Variants in YAF2 observed in about 807,000 individuals in gnomAD.
YAF2 encodes YY1-associated factor 2.
A neutral mutation model predicts 20.1 loss-of-function variants in YAF2; 7 were observed. The observed-to-expected ratio is 0.35, with a 90% CI of 0.20 to 0.65. YAF2 has a LOEUF of 0.65. YAF2 is among the 30% of genes least tolerant of loss of function. The pLI is 0.69. For synonymous variants in YAF2, 74 were observed against 76.0 expected (o/e 0.97, Z 0.14); for missense variants, 151 against 219.2 (o/e 0.69, Z 1.96).
intron 2 of YAF2, among the ~76,000 whole-genome samples, chr12:42,218,022 C>CT (rs2067407976): frequency 6.6e-6 from 1 of 152,140 alleles, no homozygotes; most frequent in African/African-American, 2.4e-5. Context: ...CAGATGTACT[C>CT]TTTAACTATG....
rs118189377 is a variant in YAF2, at chr12:42,212,509, G to C, written c.152+25090C>G. On this transcript the variant is annotated intron_variant, in intron 2 of 3. Transcript: ENST00000534854. ...TCTATGGAAACAAAGAAAGTGTATA[G>C]TTTTTCCTTTAAGAATAGTCTAGTA... The C allele has an allele frequency of 4.7e-3, 2,002 of 428,444 alleles. 11 individuals carry two copies. Among genetic ancestry groups the C allele is most frequent in the Non-Finnish European group, 7.4e-3 (1,607 of 217,844 alleles). 26.5% of individuals were successfully genotyped at this position (428,444 alleles called of 1,614,324 possible). A position where few individuals can be genotyped will look rare whatever the true frequency, so the allele number is the denominator to read the frequency against.
At chr12:42,209,154 CAAGG>C (rs1378329706) in intron 2 of YAF2, among the ~76,000 whole-genome samples, 4 of 151,228 alleles carry the variant, frequency 2.6e-5, no homozygotes, top group Non-Finnish European at 5.9e-5. Context: ...TCATTACAAA[CAAGG>C]AAGCGGTAAA....
chr12:42,167,743 C>T (rs1007534226), intron 2 of YAF2, among the ~76,000 whole-genome samples: 1 of 152,152 alleles, frequency 6.6e-6, no homozygotes, highest in Non-Finnish European at 1.5e-5. Context: ...CGGTGGCTCA[C>T]ATCTATAATC....
At chr12:42,163,728 A>G (rs1042237104) in intron 2 of YAF2, among the ~76,000 whole-genome samples, 10 of 152,206 alleles carry the variant, frequency 6.6e-5, no homozygotes, top group African/African-American at 2.4e-4. Flanking sequence ...ACATAAATGT[A>G]TATAGTTCAA....
At chr12:42,167,013 T>C (rs953327926) in intron 2 of YAF2, among the ~76,000 whole-genome samples, 4 of 151,810 alleles carry the variant, frequency 2.6e-5, no homozygotes, top group African/African-American at 9.7e-5. Context: ...AATAACTAAG[T>C]AGTAAAGATA....
chr12:42,215,680 T>G (rs1232552912), intron 2 of YAF2, among the ~76,000 whole-genome samples: 4 of 152,158 alleles, frequency 2.6e-5, no homozygotes, highest in Non-Finnish European at 4.4e-5. Flanking sequence ...CCCAGCACTT[T>G]GGGAGGCTGA....
rs969474489 is a variant in YAF2, at chr12:42,157,548, G to A, written c.*3041C>T. The A allele has an allele frequency of 3.3e-5, 5 of 152,056 alleles. No individual in the cohort carries two copies. 9.4% of individuals were successfully genotyped at this position (152,056 alleles called of 1,614,324 possible). ...CTAGACCATTTACCATTAATGCAGA[G>A]GCTACATTCTTTCAGTCTATAAGGA... On this transcript the variant is annotated 3_prime_UTR_variant, in exon 4 of 4. Coordinates refer to ENST00000534854, the MANE Select transcript of YAF2 (RefSeq NM_005748.6).
intron 2 of YAF2, among the ~76,000 whole-genome samples, chr12:42,183,693 A>G (rs1719119185): frequency 6.6e-6 from 1 of 152,246 alleles, no homozygotes; most frequent in South Asian, 2.1e-4. Flanking sequence ...TGAAGCAGCA[A>G]GTGCTTATAT....
chr12:42,215,918 C>T (rs2067341601), intron 2 of YAF2, among the ~76,000 whole-genome samples: 1 of 149,748 alleles, frequency 6.7e-6, no homozygotes, highest in South Asian at 2.1e-4. Flanking sequence ...GAGCGAGATT[C>T]CAGCTCAAAA....
intron 2 of YAF2, among the ~76,000 whole-genome samples, chr12:42,177,384 C>T (rs1454044117): frequency 1.3e-5 from 2 of 152,168 alleles, no homozygotes; most frequent in African/African-American, 4.8e-5. Context: ...CGCTTCTACT[C>T]AGGGCTCTCT....
chr12:42,227,754 G>T (rs1471181531), intron 2 of YAF2, among the ~76,000 whole-genome samples: 104 of 149,796 alleles, frequency 6.9e-4, no homozygotes, highest in African/African-American at 2.2e-3. Flanking sequence ...AGGTGGGGGG[G>T]TCAGCCCCCC....
At chr12:42,221,153 G>A (rs556846153) in intron 2 of YAF2, among the ~76,000 whole-genome samples, 1 of 152,196 alleles carries the variant, frequency 6.6e-6, no homozygotes, top group South Asian at 2.1e-4. Context: ...TAAGTAGTAG[G>A]TCTAATGTTA....
At position 42,228,613 on chromosome 12, in the gene YAF2, T is replaced by G. The variant is rs71453342; in HGVS notation, c.152+8986A>C. 2.8e-3 allele frequency among the ~76,000 whole-genome samples: 107 copies of G among 37,976 alleles called. 1 individual carries two copies. The highest frequency in any genetic ancestry group is 6.9e-3 in the Admixed American group (23 of 3,338). 24.9% of individuals were successfully genotyped at this position (37,976 alleles called of 152,430 possible). On this transcript the variant is annotated intron_variant, in intron 2 of 3. Coordinates refer to ENST00000534854, the MANE Select transcript of YAF2 (RefSeq NM_005748.6). ...GCCCCGTCAGGGAGGGAGGTGGGGG[T>G]GTCAGCCCCCCGCCCGGCCAGCCGC... is the stretch of plus-strand genomic sequence containing the variant.
At chr12:42,208,336 G>A (rs762936764) in intron 2 of YAF2, among the ~76,000 whole-genome samples, 1 of 151,986 alleles carries the variant, frequency 6.6e-6, no homozygotes, top group South Asian at 2.1e-4. Context: ...TGAGGCAAGG[G>A]AATTGCTTGA....
chr12:42,199,934 T>G (rs2066854488), intron 2 of YAF2, among the ~76,000 whole-genome samples: 1 of 152,184 alleles, frequency 6.6e-6, no homozygotes, highest in African/African-American at 2.4e-5. Flanking sequence ...TCAGTCAAAT[T>G]ACCTTAGTGC....
intron 2 of YAF2, among the ~76,000 whole-genome samples, chr12:42,169,003 A>G (rs1032521489): frequency 1.3e-5 from 2 of 152,084 alleles, no homozygotes; most frequent in East Asian, 3.9e-4. Flanking sequence ...TCCCATCTAG[A>G]AGGAAAAAAC....
intron 2 of YAF2, among the ~76,000 whole-genome samples, chr12:42,165,517 G>A (rs559366162): frequency 2.2e-4 from 34 of 152,256 alleles, no homozygotes; most frequent in Middle Eastern, 3.4e-3. Context: ...AGGCTGGAGT[G>A]CAGTGGCGTG....
In YAF2 at chr12:42,201,731, C is replaced by T. The variant is rs2066903474; in HGVS notation, c.152+35868G>A. 2.0e-5 allele frequency among the ~76,000 whole-genome samples: 3 copies of T among 152,112 alleles called. No individual in the cohort carries two copies. In the South Asian group the frequency reaches 6.2e-4, roughly 32 times the overall value. On this transcript the variant is annotated intron_variant, in intron 2 of 3. Transcript: ENST00000534854. ...GGACTACAAGCATGTGCCACCACGC[C>T]TGGCTAATTTTTGTATTTTTTGTAG...
Position 42,237,608 on chromosome 12 carries a change from G to A in YAF2, c.143C>T (p.Thr48Ile). Reference sequence around the variant, plus strand: ...CAGGCCCGGGACTCACCGGGTGGAGGTGCCCTTCCGCACATCGCACATCAT... The same window carrying A: ...CAGGCCCGGGACTCACCGGGTGGAGATGCCCTTCCGCACATCGCACATCAT... ...KCMMCDVRKG[T>I]STRKPRPVSQ... Residue 48 changes from threonine to isoleucine, a missense_variant, in exon 2 of 4, where the codon ACC becomes ATC. Thr to Ile is a moderately conservative substitution (Grantham distance 89). This residue lies in a region of YAF2 where 50 missense variants were observed against 112.0 expected (regional missense o/e 0.45). Transcript: ENST00000534854. 6.5e-7 allele frequency: 1 copy of A among 1,537,974 alleles called. No individual in the cohort carries two copies. The highest frequency in any genetic ancestry group is 2.0e-5 in the Admixed American group (1 of 49,306).
Sources: gnomAD v4.1 joint callset for allele counts (sites outside exome capture counted in the v4.1 genomes callset) on GRCh38, gnomAD v4.1.1 for gene constraint, gnomAD v4.1.1 regional missense constraint, MANE v1.5 for transcripts, NCBI Gene and HGNC (gene_info 2026-07-23, HGNC 2026-07-21) for gene names.